The following ADAM12 variants were observed in gnomAD, a reference collection of about 807,000 sequenced individuals.
The protein encoded by ADAM12 is disintegrin and metalloproteinase domain-containing protein 12.
ADAM12 carries 70 observed loss-of-function variants against 106.4 expected under a neutral mutation model. That is an observed-to-expected ratio of 0.66 (90% CI 0.54 to 0.80). The LOEUF is 0.80. Ranked by LOEUF, ADAM12 falls within the 30% of genes least tolerant of loss-of-function variation. ADAM12 has a pLI of 0.00. For synonymous variants in ADAM12, 420 were observed against 433.5 expected (o/e 0.97, Z 0.39); for missense variants, 1,010 against 1,171.9 (o/e 0.86, Z 2.02).
chr10:126,225,954 G>A (rs1958185975), intron 3 of ADAM12, among the ~76,000 whole-genome samples: 1 of 152,168 alleles, frequency 6.6e-6, no homozygotes, highest in African/African-American at 2.4e-5. Context: ...AGAAATGGGA[G>A]TGCGGAGCAA....
chr10:126,059,402 C>T (rs1474059469), intron 14 of ADAM12, among the ~76,000 whole-genome samples: 1 of 152,186 alleles, frequency 6.6e-6, no homozygotes, highest in African/African-American at 2.4e-5. Flanking sequence ...CTTCTTCAGA[C>T]GGACCTTTGT....
At chr10:126,329,800 C>T (rs1366713104) in intron 2 of ADAM12, among the ~76,000 whole-genome samples, 1 of 152,150 alleles carries the variant, frequency 6.6e-6, no homozygotes, top group Non-Finnish European at 1.5e-5. Context: ...TCTGTATGAT[C>T]TCTTCAAAGA....
At chr10:126,313,571 C>T (rs1189190801) in intron 2 of ADAM12, among the ~76,000 whole-genome samples, 1 of 152,144 alleles carries the variant, frequency 6.6e-6, no homozygotes, top group African/African-American at 2.4e-5. Context: ...TACACCTCAT[C>T]AACACCACCT....
At chr10:126,069,873 G>C (rs1282175472) in intron 12 of ADAM12, among the ~76,000 whole-genome samples, 2 of 152,132 alleles carry the variant, frequency 1.3e-5, no homozygotes, top group Admixed American at 1.3e-4. Flanking sequence ...TGGAGATGGT[G>C]ATGTTAGCAA....
chr10:126,343,812 C>T (rs1052014942), intron 1 of ADAM12, among the ~76,000 whole-genome samples: 24 of 152,210 alleles, frequency 1.6e-4, no homozygotes, highest in Non-Finnish European at 2.2e-4. Context: ...TGTCTGTTAG[C>T]TGCATAAATG....
intron 4 of ADAM12, among the ~76,000 whole-genome samples, chr10:126,152,664 A>T (rs1318290049): frequency 6.6e-6 from 1 of 151,894 alleles, no homozygotes; most frequent in East Asian, 1.9e-4. Flanking sequence ...TTGGGTGTGA[A>T]TCCTGTAAAA....
Position 126,274,993 on chromosome 10 carries a change from C to T in ADAM12, c.260+3922G>A, listed in dbSNP as rs1230715776. On this transcript the variant is annotated intron_variant, in intron 3 of 22. Transcript: ENST00000448723. ...TTGCCCTGTAAGAGATGTCTGGAAT[C>T]GTTCTAGGCAAAATAAGTCAGTGCT... Among the ~76,000 whole-genome samples, 4 of 152,180 alleles carry T rather than the reference C, an allele frequency of 2.6e-5. 1 individual carries two copies. Among genetic ancestry groups the T allele is most frequent in the Admixed American group, 1.3e-4 (2 of 15,280 alleles).
intron 2 of ADAM12, among the ~76,000 whole-genome samples, chr10:126,279,430 CA>C (rs55921948): frequency 0.81 from 101,319 of 125,448 alleles, 40,672 homozygotes; most frequent in Non-Finnish European, 0.88. Flanking sequence ...GACTCTGTCT[CA>C]AAAAAAAAAG....
rs577241478 is a variant in ADAM12 at position 126,043,949 on chromosome 10, C to G, written c.1996-801G>C. On this transcript the variant is annotated intron_variant, in intron 17 of 22. Coordinates refer to ENST00000448723, the MANE Select transcript of ADAM12 (RefSeq NM_001288973.2). The surrounding 1 kb of genome is among the most constrained non-coding windows in gnomAD (Gnocchi z 4.1). The stretch of plus-strand genomic sequence containing the variant: ...ACCCTTGTTGGGCCCAGCTCATAGA[C>G]CAGAGCATTCCATGCAGGGGCCAGC... Among the ~76,000 whole-genome samples, 1 of 152,264 alleles carries G rather than the reference C, an allele frequency of 6.6e-6. No individual in the cohort carries two copies. The highest frequency in any genetic ancestry group is 2.4e-5 in the African/African-American group (1 of 41,562).
intron 3 of ADAM12, among the ~76,000 whole-genome samples, chr10:126,185,229 G>T (rs532410878): frequency 6.6e-6 from 1 of 152,204 alleles, no homozygotes; most frequent in African/African-American, 2.4e-5. Context: ...AAAGAAAGAC[G>T]TTGCTATTGC....
chr10:126,096,267 C>T (rs74363102), intron 10 of ADAM12, among the ~76,000 whole-genome samples: 2 of 152,170 alleles, frequency 1.3e-5, no homozygotes, highest in East Asian at 3.8e-4. Context: ...TCTTTTGTGT[C>T]ATTGAATGTC....
intron 2 of ADAM12, among the ~76,000 whole-genome samples, chr10:126,330,081 A>G (rs1028991357): frequency 6.6e-6 from 1 of 152,256 alleles, no homozygotes; most frequent in African/African-American, 2.4e-5. Flanking sequence ...CGAGGAAATC[A>G]ATGTTAATTA....
intron 1 of ADAM12, among the ~76,000 whole-genome samples, chr10:126,342,355 T>C (rs1294601499): frequency 6.6e-6 from 1 of 152,224 alleles, no homozygotes; most frequent in Non-Finnish European, 1.5e-5. Context: ...ATAATTTAAA[T>C]AGTCAAACAG....
intron 3 of ADAM12, among the ~76,000 whole-genome samples, chr10:126,198,123 C>T (rs917284991): frequency 1.3e-5 from 2 of 152,262 alleles, no homozygotes; most frequent in Admixed American, 1.3e-4. Context: ...ACAGCCACTA[C>T]GGGCCTTGCT....
chr10:126,344,930 C>T (rs1247398356), intron 1 of ADAM12, among the ~76,000 whole-genome samples: 6 of 152,142 alleles, frequency 3.9e-5, no homozygotes, highest in South Asian at 2.1e-4. Flanking sequence ...GGGGCTGAGA[C>T]GATGGGGTTT....
intron 11 of ADAM12, among the ~76,000 whole-genome samples, chr10:126,087,770 C>T (rs1179472827): frequency 6.6e-6 from 1 of 152,208 alleles, no homozygotes; most frequent in Non-Finnish European, 1.5e-5. Context: ...TTTCCCGCTA[C>T]ATTGAATTTC....
At chr10:126,363,379 A>G (rs1350093953) in intron 1 of ADAM12, among the ~76,000 whole-genome samples, 1 of 152,190 alleles carries the variant, frequency 6.6e-6, no homozygotes, top group Non-Finnish European at 1.5e-5. Context: ...TGTCCCAAAA[A>G]ACACACAGTA....
chr10:126,165,372 T>C (rs1957006073), intron 3 of ADAM12, among the ~76,000 whole-genome samples: 1 of 152,256 alleles, frequency 6.6e-6, no homozygotes, highest in South Asian at 2.1e-4. Flanking sequence ...TTTCGCCATG[T>C]TGGCCAGACT....
At chr10:126,170,036 C>T (rs1195450310) in intron 3 of ADAM12, among the ~76,000 whole-genome samples, 1 of 152,182 alleles carries the variant, frequency 6.6e-6, no homozygotes, top group Non-Finnish European at 1.5e-5. Context: ...TTTCCTTTAC[C>T]CACCCAGCTC....
Sources: allele counts gnomAD v4.1 joint callset (sites outside exome capture counted in the v4.1 genomes callset), GRCh38; gene constraint gnomAD v4.1.1; non-coding constraint Gnocchi (gnomAD v3.1); transcripts MANE v1.5; gene names NCBI Gene and HGNC (gene_info 2026-07-23, HGNC 2026-07-21).